Variants in CNTN4 observed in about 807,000 individuals in gnomAD.
The protein encoded by CNTN4 is contactin-4.
CNTN4 carries 77 observed loss-of-function variants against 122.5 expected under a neutral mutation model. The observed-to-expected ratio is 0.63, with a 90% CI of 0.52 to 0.76. CNTN4 has a LOEUF of 0.76. Among genes scored for constraint, CNTN4 ranks in the 30% least tolerant of loss-of-function variants. The pLI is 0.00. For synonymous variants in CNTN4, 512 were observed against 447.0 expected (o/e 1.15, Z -1.83); for missense variants, 1,256 against 1,259.1 (o/e 1.00, Z 0.04).
Position 3,037,082 on chromosome 3 carries a change from G to A in CNTN4, c.1943-97G>A. On this transcript the variant is annotated intron_variant, in intron 17 of 24. Transcript: ENST00000418658. The stretch of plus-strand genomic sequence containing the variant: ...CCTACACTGCCCTGAATACAATAAT[G>A]ATGAGGATGGATGGATGTTCCTATC... The A allele has an allele frequency of 9.5e-6, 13 of 1,374,334 alleles. No homozygotes were observed. The South Asian group carries it at 1.4e-4, about 15-fold the overall frequency. The allele number at this position is 1,374,334 out of a possible 1,614,324, so 85.1% of individuals were successfully genotyped here. A position where few individuals can be genotyped will look rare whatever the true frequency, so the allele number is the denominator to read the frequency against.
chr3:2,781,096 A>T (rs1431850902), intron 6 of CNTN4, among the ~76,000 whole-genome samples: 1 of 152,232 alleles, frequency 6.6e-6, no homozygotes, highest in Non-Finnish European at 1.5e-5. Context: ...GGTTCAAATG[A>T]AAAGGAAAGA....
At chr3:2,996,423 C>T (rs969942423) in intron 14 of CNTN4, among the ~76,000 whole-genome samples, 4 of 152,058 alleles carry the variant, frequency 2.6e-5, no homozygotes, top group African/African-American at 9.7e-5. Flanking sequence ...AGAAGAGACA[C>T]CTTTTACCTG....
intron 13 of CNTN4, among the ~76,000 whole-genome samples, chr3:2,982,940 G>A (rs1034341339): frequency 1.3e-5 from 2 of 152,056 alleles, no homozygotes; most frequent in African/African-American, 4.8e-5. Context: ...AGCTTGCCGG[G>A]CGCAGTGGCT....
chr3:2,785,408 A>G (rs1230493748), intron 6 of CNTN4, among the ~76,000 whole-genome samples: 4 of 152,110 alleles, frequency 2.6e-5, no homozygotes, highest in East Asian at 1.9e-4. Context: ...CATTCTACTC[A>G]GGCCTTCAGT....
intron 2 of CNTN4, among the ~76,000 whole-genome samples, chr3:2,334,042 T>C (rs911622608): frequency 2.1e-4 from 32 of 152,206 alleles, no homozygotes; most frequent in African/African-American, 6.0e-4. Flanking sequence ...CGGACAGTTG[T>C]TAAATGGTAA....
At chr3:3,055,794 G>A (rs577332249) in intron 24 of CNTN4, among the ~76,000 whole-genome samples, 2 of 152,248 alleles carry the variant, frequency 1.3e-5, no homozygotes, top group South Asian at 4.2e-4. Context: ...AGTTCAAAAG[G>A]GAGCAGCAAT....
intron 2 of CNTN4, among the ~76,000 whole-genome samples, chr3:2,230,423 A>G (rs2039441178): frequency 6.6e-6 from 1 of 152,224 alleles, no homozygotes. Flanking sequence ...CAAGTATACC[A>G]GCTGGAAACT....
chr3:2,629,286 T>C (rs1263776497), intron 4 of CNTN4, among the ~76,000 whole-genome samples: 2 of 152,206 alleles, frequency 1.3e-5, no homozygotes, highest in African/African-American at 4.8e-5. Flanking sequence ...CCAATCCTGT[T>C]GGCACCTCAG....
chr3:2,778,317 A>ATGATACAATTGTTTTTAAGAGAAAACCG (rs1195189825), intron 6 of CNTN4, among the ~76,000 whole-genome samples: 62 of 152,260 alleles, frequency 4.1e-4, no homozygotes, highest in Non-Finnish European at 7.1e-4. Context: ...AGAGAAAACC[A>ATGATACAATTGTTTTTAAGAGAAAACCG]TGATACAATT....
intron 4 of CNTN4, among the ~76,000 whole-genome samples, chr3:2,582,919 C>T (rs895641338): frequency 7.0e-6 from 1 of 142,606 alleles, no homozygotes; most frequent in Non-Finnish European, 1.5e-5. Context: ...AAAAAAAAAG[C>T]AGTTTAATGG....
At chr3:2,470,551 C>T (rs2075650785) in intron 3 of CNTN4, among the ~76,000 whole-genome samples, 1 of 152,110 alleles carries the variant, frequency 6.6e-6, no homozygotes, top group African/African-American at 2.4e-5. Context: ...CACATATAGT[C>T]TCATTTCTGC....
chr3:2,361,525 G>A (rs897915803), intron 3 of CNTN4, among the ~76,000 whole-genome samples: 2 of 152,024 alleles, frequency 1.3e-5, no homozygotes, highest in Non-Finnish European at 2.9e-5. Context: ...TATACCCTGG[G>A]GTCATTCTGT....
chr3:2,559,967 T>C, intron 3 of CNTN4, among the ~76,000 whole-genome samples: 1 of 152,182 alleles, frequency 6.6e-6, no homozygotes, highest in East Asian at 1.9e-4. Flanking sequence ...ACGAATATTT[T>C]CAGATGAATG....
At chr3:2,646,256 TATCA>T (rs1340061059) in intron 4 of CNTN4, among the ~76,000 whole-genome samples, 2 of 152,194 alleles carry the variant, frequency 1.3e-5, no homozygotes, top group Non-Finnish European at 2.9e-5. Context: ...ATATAAACAC[TATCA>T]ATCAAAATGA....
intron 6 of CNTN4, among the ~76,000 whole-genome samples, chr3:2,808,915 T>C (rs1286991006): frequency 1.3e-5 from 2 of 152,084 alleles, no homozygotes; most frequent in Admixed American, 6.5e-5. Context: ...TGAGGACAAA[T>C]ACAAGAAAGT....
intron 13 of CNTN4, among the ~76,000 whole-genome samples, chr3:2,936,368 T>C (rs1201867533): frequency 1.3e-5 from 2 of 152,186 alleles, no homozygotes; most frequent in African/African-American, 2.4e-5. Context: ...ACTCTCCATC[T>C]TCAAAGATGC....
At chr3:2,914,781 C>G (rs761942384) in intron 12 of CNTN4, among the ~76,000 whole-genome samples, 7 of 152,198 alleles carry the variant, frequency 4.6e-5, no homozygotes, top group Non-Finnish European at 1.0e-4. Context: ...TAAACTCATT[C>G]TGTAAGCGCA....
chr3:2,709,289 A>G lies in CNTN4; in HGVS notation c.56-26926A>G, dbSNP rs2086958299. Among the ~76,000 whole-genome samples the G allele has an allele frequency of 6.6e-6, 1 of 152,184 alleles. No individual in the cohort carries two copies. On this transcript the variant is annotated intron_variant, in intron 4 of 24. Transcript: ENST00000418658. The surrounding 1 kb of genome is among the most constrained non-coding windows in gnomAD (Gnocchi z 5.0). ...AATCTTGAAAGAGACCTGAATTTAT[A>G]ATTAGTACAGTGTGATTCTCAACCT...
intron 4 of CNTN4, among the ~76,000 whole-genome samples, chr3:2,725,520 G>A (rs1423609634): frequency 6.6e-6 from 1 of 152,166 alleles, no homozygotes; most frequent in Non-Finnish European, 1.5e-5. Context: ...ATTCCAGCTT[G>A]AATCTAACAG....
Sources: allele counts gnomAD v4.1 joint callset (sites outside exome capture counted in the v4.1 genomes callset), GRCh38; gene constraint gnomAD v4.1.1; non-coding constraint Gnocchi (gnomAD v3.1); transcripts MANE v1.5; gene names NCBI Gene and HGNC (gene_info 2026-07-23, HGNC 2026-07-21).